The following TTLL11 variants were observed in gnomAD, a reference collection of about 807,000 sequenced individuals.
The protein encoded by TTLL11 is tubulin tyrosine ligase like 11, also known as tubulin polyglutamylase TTLL11.
A neutral mutation model predicts 51.7 loss-of-function variants in TTLL11; 42 were observed. The ratio of observed to expected loss-of-function variants is 0.81; its 90% CI spans 0.64 to 1.05. The LOEUF is 1.05. Ranked by LOEUF, TTLL11 falls within the 50% of genes least tolerant of loss-of-function variation. The pLI is 0.00. For missense variants in TTLL11, 799 were observed against 940.4 expected, an observed-to-expected ratio of 0.85 and a Z score of 1.97; for synonymous variants, 381 against 383.5, an observed-to-expected ratio of 0.99 and a Z score of 0.08.
chr9:122,040,262 G>A lies in TTLL11; in HGVS notation c.463-894C>T, dbSNP rs531292836. On this transcript the variant is annotated intron_variant, in intron 1 of 8. Coordinates refer to ENST00000321582, the MANE Select transcript of TTLL11 (RefSeq NM_001139442.2). The stretch of plus-strand genomic sequence containing the variant: ...ACTCAGACTGAGTGGCCTCAGACCC[G>A]CGTGAGCCTGTAAGATAGCCTTGTA... 3.6e-5 allele frequency: 27 copies of A among 750,728 alleles called. No homozygotes were observed. In the East Asian group the frequency reaches 1.6e-3, roughly 43 times the overall value. 46.5% of individuals were successfully genotyped at this position (750,728 alleles called of 1,614,324 possible). A position where few individuals can be genotyped will look rare whatever the true frequency, so the allele number is the denominator to read the frequency against.
At chr9:121,967,470 G>A (rs571612321) in intron 6 of TTLL11, among the ~76,000 whole-genome samples, 11 of 152,158 alleles carry the variant, frequency 7.2e-5, no homozygotes, top group East Asian at 3.9e-4. Context: ...TGATCCACCC[G>A]CTTCGGCCTC....
chr9:121,998,165 A>G (rs901913621), intron 3 of TTLL11, among the ~76,000 whole-genome samples: 4 of 152,196 alleles, frequency 2.6e-5, no homozygotes, highest in Non-Finnish European at 5.9e-5. Context: ...TTATAGTCAC[A>G]GGCGCTTCAG....
At chr9:122,065,104 C>A (rs1845543714) in intron 1 of TTLL11, among the ~76,000 whole-genome samples, 2 of 152,242 alleles carry the variant, frequency 1.3e-5, no homozygotes, top group East Asian at 1.9e-4. Context: ...AATAAATAGT[C>A]CCTAGGTCCC....
chr9:121,961,717 A>C (rs1842230226), intron 6 of TTLL11, among the ~76,000 whole-genome samples: 1 of 152,256 alleles, frequency 6.6e-6, no homozygotes, highest in African/African-American at 2.4e-5. Context: ...AATGATGTTC[A>C]AGAAGAGTTA....
At chr9:121,975,362 A>AG (rs1654196932) in intron 4 of TTLL11, among the ~76,000 whole-genome samples, 1 of 152,114 alleles carries the variant, frequency 6.6e-6, no homozygotes, top group Non-Finnish European at 1.5e-5. Flanking sequence ...TGAGAACCTA[A>AG]GGCTGCTTTT....
At chr9:121,994,156 C>T (rs1271050543) in intron 3 of TTLL11, among the ~76,000 whole-genome samples, 3 of 152,164 alleles carry the variant, frequency 2.0e-5, no homozygotes, top group Non-Finnish European at 4.4e-5. Context: ...CAAGAATGGC[C>T]TGTTGGGGCA....
At chr9:121,945,977 A>G (rs1317713186) in intron 6 of TTLL11, among the ~76,000 whole-genome samples, 1 of 152,184 alleles carries the variant, frequency 6.6e-6, no homozygotes, top group Non-Finnish European at 1.5e-5. Context: ...ATATAAAAAA[A>G]ACTCTATGTG....
intron 8 of TTLL11, among the ~76,000 whole-genome samples, chr9:121,831,133 C>T (rs1339889857): frequency 6.6e-6 from 1 of 152,206 alleles, no homozygotes; most frequent in Non-Finnish European, 1.5e-5. Flanking sequence ...AGGAGGGCCT[C>T]TGACACCTCA....
At chr9:121,830,322 C>T (rs1836963813) in intron 8 of TTLL11, among the ~76,000 whole-genome samples, 1 of 152,182 alleles carries the variant, frequency 6.6e-6, no homozygotes, top group Non-Finnish European at 1.5e-5. Flanking sequence ...GGTCCAGCCC[C>T]ACAGTTTCTG....
intron 1 of TTLL11, among the ~76,000 whole-genome samples, chr9:122,055,530 C>T (rs531733345): frequency 6.6e-6 from 1 of 152,298 alleles, no homozygotes. Flanking sequence ...AGCCCACTGA[C>T]TCAAATGTTA....
chr9:121,993,806 C>T (rs150718070), intron 3 of TTLL11, among the ~76,000 whole-genome samples: 338 of 152,272 alleles, frequency 2.2e-3, no homozygotes, highest in African/African-American at 7.7e-3. Flanking sequence ...GGTAAGAGGC[C>T]AATTTCTGAA....
At chr9:121,897,640 A>ACACACACGCG (rs111331446) in intron 6 of TTLL11, among the ~76,000 whole-genome samples, 15,110 of 139,390 alleles carry the variant, frequency 0.11, 993 homozygotes, top group Admixed American at 0.22. Context: ...ACACACACAC[A>ACACACACGCG]CGCGCGCGCG....
At chr9:122,087,214 AT>A (rs11308678) in intron 1 of TTLL11, among the ~76,000 whole-genome samples, 10,045 of 146,402 alleles carry the variant, frequency 0.069, 647 homozygotes, top group African/African-American at 0.15. Flanking sequence ...ACTCAATACA[AT>A]TTTTTTTTTT....
intron 6 of TTLL11, among the ~76,000 whole-genome samples, chr9:121,956,955 GAGTA>G (rs1475811682): frequency 6.6e-6 from 1 of 152,176 alleles, no homozygotes; most frequent in African/African-American, 2.4e-5. Flanking sequence ...CCTCAGCAGG[GAGTA>G]GTTAGCTGAC....
At chr9:122,053,446 C>A (rs567120289) in intron 1 of TTLL11, among the ~76,000 whole-genome samples, 1 of 152,086 alleles carries the variant, frequency 6.6e-6, no homozygotes, top group Non-Finnish European at 1.5e-5. Flanking sequence ...GAGGTCCACG[C>A]AGCCCACACA....
chr9:121,836,586 G>A (rs938227766), intron 8 of TTLL11, among the ~76,000 whole-genome samples: 7 of 152,172 alleles, frequency 4.6e-5, no homozygotes, highest in Admixed American at 2.0e-4. Flanking sequence ...CTTTCTCTAC[G>A]AGGATCTGAG....
At chr9:122,068,042 C>T (rs1845634434) in intron 1 of TTLL11, among the ~76,000 whole-genome samples, 1 of 152,158 alleles carries the variant, frequency 6.6e-6, no homozygotes, top group Non-Finnish European at 1.5e-5. Flanking sequence ...TGCAGCTTTA[C>T]ATACAGTGGT....
chr9:122,092,568 G>A (rs1223758596), intron 1 of TTLL11, 119 bp downstream of exon 1: 4 of 1,456,670 alleles, frequency 2.7e-6, no homozygotes, highest in African/African-American at 2.9e-5. Context: ...AGGCCCGAGC[G>A]TGGTGCACCG....
chr9:121,855,388 T>C (rs904071700), intron 8 of TTLL11, among the ~76,000 whole-genome samples: 3 of 152,220 alleles, frequency 2.0e-5, no homozygotes, highest in African/African-American at 7.2e-5. Context: ...TTTTTCTCAC[T>C]AGTTTTTATT....
Sources: allele counts gnomAD v4.1 joint callset (sites outside exome capture counted in the v4.1 genomes callset), GRCh38; gene constraint gnomAD v4.1.1; transcripts MANE v1.5; gene names NCBI Gene and HGNC (gene_info 2026-07-23, HGNC 2026-07-21).